The following ZNF33A variants were observed in gnomAD, a reference collection of about 807,000 sequenced individuals.
ZNF33A encodes the protein brain my041 protein.
In ZNF33A, 9 loss-of-function variants were observed where a neutral mutation model predicts 15.9. The observed-to-expected ratio is 0.57, with a 90% CI of 0.34 to 0.99. ZNF33A has a LOEUF of 0.99. Among genes scored for constraint, ZNF33A ranks in the 50% least tolerant of loss-of-function variants. The probability of loss-of-function intolerance (pLI) is 0.02; values close to 1 mark genes in which losing one functional copy is unlikely to be tolerated. For missense variants in ZNF33A, 843 were observed against 941.6 expected, an observed-to-expected ratio of 0.90 and a Z score of 1.37; for synonymous variants, 294 against 324.2, an observed-to-expected ratio of 0.91 and a Z score of 1.00.
intron 4 of ZNF33A, among the ~76,000 whole-genome samples, chr10:38,042,500 A>C: frequency 1.8e-5 from 1 of 54,448 alleles, no homozygotes; most frequent in South Asian, 1.0e-3. Flanking sequence ...TTTTTGCTTT[A>C]TTCTTTTTTT....
At chr10:38,038,843 TG>T (rs2065567442) in intron 4 of ZNF33A, among the ~76,000 whole-genome samples, 1 of 152,228 alleles carries the variant, frequency 6.6e-6, no homozygotes, top group African/African-American at 2.4e-5. Flanking sequence ...GAGATGATCA[TG>T]TGGTTATTGT....
intron 4 of ZNF33A, among the ~76,000 whole-genome samples, chr10:38,023,724 T>A (rs2064855421): frequency 6.6e-6 from 1 of 152,342 alleles, no homozygotes; most frequent in East Asian, 1.9e-4. Flanking sequence ...CCTGCCACTC[T>A]TATTCATTGT....
At position 38,054,516 on chromosome 10, in the gene ZNF33A, G is replaced by A. The variant is rs764762798; in HGVS notation, c.392G>A (p.Ser131Asn). The A allele has an allele frequency of 1.2e-6, 2 of 1,613,044 alleles. No homozygotes were observed. Reference sequence around the variant, plus strand: ...GGAATACCATTTAATGTGGATGTAAGTTCTTTTCCTTCCAGAAAAATGTTC... The same window carrying A: ...GGAATACCATTTAATGTGGATGTAAATTCTTTTCCTTCCAGAAAAATGTTC... ...VIGIPFNVDVSSFPSRKMFCQ... is the reference protein window; with the variant it reads ...VIGIPFNVDVNSFPSRKMFCQ... Residue 131 changes from serine to asparagine, a missense_variant, in exon 5 of 5, where the codon AGT becomes AAT. Coordinates refer to ENST00000432900, the MANE Select transcript of ZNF33A (RefSeq NM_006954.2).
intron 4 of ZNF33A, among the ~76,000 whole-genome samples, chr10:38,037,710 A>G (rs2065514460): frequency 6.6e-6 from 1 of 151,410 alleles, no homozygotes; most frequent in South Asian, 2.1e-4. Context: ...TTATTTGTGA[A>G]CTCTCAATTT....
chr10:38,018,274 CATT>C (rs1233345996), intron 4 of ZNF33A, among the ~76,000 whole-genome samples: 1 of 152,110 alleles, frequency 6.6e-6, no homozygotes, highest in African/African-American at 2.4e-5. Context: ...ATGAGGTCAA[CATT>C]AGAGCAGAGA....
chr10:38,047,608 G>T, intron 4 of ZNF33A, among the ~76,000 whole-genome samples: 1 of 101,094 alleles, frequency 9.9e-6, no homozygotes, highest in Non-Finnish European at 1.8e-5. Context: ...CCTGGCGATA[G>T]AGCAAGACTC....
At position 38,055,232 on chromosome 10, in the gene ZNF33A, T is replaced by C. The variant is rs1471509112; in HGVS notation, c.1108T>C (p.Ser370Pro). 6.2e-6 allele frequency: 10 copies of C among 1,613,974 alleles called. No homozygotes were observed. Among genetic ancestry groups the C allele is most frequent in the Non-Finnish European group, 8.5e-6 (10 of 1,180,002 alleles). Residue 370 changes from serine to proline, a missense_variant, in exon 5 of 5, where the codon TCA becomes CCA. Coordinates refer to ENST00000432900, the MANE Select transcript of ZNF33A (RefSeq NM_006954.2). ...NECEKAFWDK[S>P]NLTKHQRSHT... ...ATGTGAAAAAGCTTTCTGGGATAAG[T>C]CAAACCTCACTAAACATCAAAGATC...
At position 38,054,609 on chromosome 10, in the gene ZNF33A, A is replaced by G. The variant is rs1191115648; in HGVS notation, c.485A>G (p.Tyr162Cys). The change falls in exon 5 of 5, where the codon TAT becomes TGT. Residue 162 changes from tyrosine (Y) to cysteine (C), a missense_variant. Physicochemically the swap from Tyr to Cys is radical, Grantham distance 194. Transcript: ENST00000432900. ...GAATTGGTTATCAGTAAGATAAACT[A>G]TTTAGGAAAAAAGTCTGATGAATTT... ...VSELVISKIN[Y>C]LGKKSDEFNA... 2 of 1,612,410 alleles carry G rather than the reference A, an allele frequency of 1.2e-6. No individual in the cohort carries two copies. The highest frequency in any genetic ancestry group is 1.7e-6 in the Non-Finnish European group (2 of 1,179,552).
chr10:38,035,823 T>TAAAAG (rs374387778), intron 4 of ZNF33A, among the ~76,000 whole-genome samples: 3 of 152,104 alleles, frequency 2.0e-5, no homozygotes, highest in Admixed American at 2.0e-4. Context: ...AAAGCTTTCA[T>TAAAAG]AAAAGAAAAG....
At chr10:38,018,986 T>C (rs1692074088) in intron 4 of ZNF33A, among the ~76,000 whole-genome samples, 1 of 152,086 alleles carries the variant, frequency 6.6e-6, no homozygotes, top group Non-Finnish European at 1.5e-5. Context: ...TATTTTATTT[T>C]ATTTTATTAT....
At chr10:38,061,470 G>A (rs496627), downstream of ZNF33A, among the ~76,000 whole-genome samples, 71,928 of 151,974 alleles carry the variant, frequency 0.47, 17,350 homozygotes, top group East Asian at 0.56. Context: ...CCCCTTGCCA[G>A]TGTGCCTGAG....
intron 4 of ZNF33A, among the ~76,000 whole-genome samples, chr10:38,021,122 A>T (rs576505801): frequency 1.3e-5 from 2 of 152,220 alleles, no homozygotes; most frequent in Admixed American, 6.6e-5. Flanking sequence ...TAACATAATG[A>T]ACAACATAGG....
At chr10:38,010,617 A>G, upstream of ZNF33A, 1 of 1,272,430 alleles carries the variant, frequency 7.9e-7, no homozygotes. Context: ...TAGGGCGCCA[A>G]CAGCATCAAG....
In ZNF33A at chr10:38,057,647, C is replaced by T. The variant is rs1305422016; in HGVS notation, c.*1087C>T. On this transcript the variant is annotated 3_prime_UTR_variant, in exon 5 of 5. Coordinates refer to ENST00000432900, the MANE Select transcript of ZNF33A (RefSeq NM_006954.2). ...AAATAACAAATTATCTAAAAAAAAT[C>T]TATCCTGTACATGTGAAGATCTAGG... 1.0e-6 allele frequency: 1 copy of T among 985,280 alleles called. No individual in the cohort carries two copies. Among genetic ancestry groups the T allele is most frequent in the Non-Finnish European group, 1.2e-6 (1 of 829,898 alleles). 61.0% of individuals were successfully genotyped at this position (985,280 alleles called of 1,614,324 possible).
chr10:38,032,898 C>T (rs1203631649), intron 4 of ZNF33A, among the ~76,000 whole-genome samples: 2 of 151,598 alleles, frequency 1.3e-5, no homozygotes, highest in Non-Finnish European at 2.9e-5. Flanking sequence ...AGGTGTGTAC[C>T]ACTATGCCCA....
At chr10:38,022,507 A>G (rs1231094348) in intron 4 of ZNF33A, among the ~76,000 whole-genome samples, 1 of 151,988 alleles carries the variant, frequency 6.6e-6, no homozygotes, top group Non-Finnish European at 1.5e-5. Context: ...AAATACAAAA[A>G]TTAGTCTGGT....
downstream of ZNF33A, chr10:38,064,070 A>C: frequency 6.3e-7 from 1 of 1,596,142 alleles, no homozygotes; most frequent in Non-Finnish European, 8.5e-7. Context: ...TGTTCTCACC[A>C]TCCTTACTCC....
At chr10:38,037,146 A>G (rs921435581) in intron 4 of ZNF33A, among the ~76,000 whole-genome samples, 3 of 152,038 alleles carry the variant, frequency 2.0e-5, no homozygotes, top group Non-Finnish European at 4.4e-5. Context: ...AGAGGGCTTT[A>G]TCTATCCCCA....
rs2065320425 is a variant in ZNF33A at position 38,033,772 on chromosome 10, G to T, written c.250+16386G>T. 3.3e-5 allele frequency among the ~76,000 whole-genome samples: 5 copies of T among 151,460 alleles called. No individual in the cohort carries two copies. In the South Asian group the frequency reaches 1.0e-3, roughly 32 times the overall value. Reference sequence around the variant, plus strand: ...CTGTTTGCCCAGGCTGGAGTGCGGTGGTGGGATCTTGGCTCACTGCAACCT... The same window carrying T: ...CTGTTTGCCCAGGCTGGAGTGCGGTTGTGGGATCTTGGCTCACTGCAACCT... On this transcript the variant is annotated intron_variant, in intron 4 of 4. Transcript: ENST00000432900.
Sources: gnomAD v4.1 joint callset for allele counts (sites outside exome capture counted in the v4.1 genomes callset) on GRCh38, gnomAD v4.1.1 for gene constraint, MANE v1.5 for transcripts, NCBI Gene and HGNC (gene_info 2026-07-23, HGNC 2026-07-21) for gene names.